The following AGBL1 variants were observed in gnomAD, a reference collection of about 807,000 sequenced individuals.
The protein encoded by AGBL1 is cytosolic carboxypeptidase 4.
AGBL1 carries 130 observed loss-of-function variants against 118.9 expected under a neutral mutation model. The ratio of observed to expected loss-of-function variants is 1.09; its 90% CI spans 0.95 to 1.26. The LOEUF is 1.26. Ranked by LOEUF, AGBL1 falls within the 50% of genes most tolerant of loss-of-function variation. The pLI is 0.00. For missense variants in AGBL1, 1,584 were observed against 1,298.1 expected (o/e 1.22, Z -3.38); for synonymous variants, 555 against 478.9 (o/e 1.16, Z -2.08).
chr15:86,397,256 T>C, intron 17 of AGBL1, 110 bp from the exon 18 acceptor site: 1 of 775,288 alleles, frequency 1.3e-6, no homozygotes. Flanking sequence ...ATGGAAAATG[T>C]ATTTTTAATA....
chr15:86,737,994 C>T (rs762423451), intron 22 of AGBL1, among the ~76,000 whole-genome samples: 72 of 151,892 alleles, frequency 4.7e-4, no homozygotes, highest in East Asian at 1.2e-3. Flanking sequence ...TCAACATACA[C>T]AGATAAATAA....
chr15:86,990,650 C>T (rs1178436529), intron 24 of AGBL1, among the ~76,000 whole-genome samples: 3 of 152,220 alleles, frequency 2.0e-5, no homozygotes, highest in African/African-American at 4.8e-5. Context: ...TTCACAGCTT[C>T]AACAGGTAGA....
At chr15:86,960,597 C>G (rs2141684864) in intron 23 of AGBL1, among the ~76,000 whole-genome samples, 1 of 151,910 alleles carries the variant, frequency 6.6e-6, no homozygotes. Context: ...CAAAATCATC[C>G]AGAAATCCTA....
chr15:86,831,079 C>G (rs1292401345), intron 22 of AGBL1, among the ~76,000 whole-genome samples: 2 of 152,122 alleles, frequency 1.3e-5, no homozygotes, highest in Non-Finnish European at 2.9e-5. Flanking sequence ...GAGACCTCTT[C>G]TATGTAACAC....
At chr15:86,259,556 G>A (rs1358119714) in intron 9 of AGBL1, among the ~76,000 whole-genome samples, 1 of 152,112 alleles carries the variant, frequency 6.6e-6, no homozygotes, top group Non-Finnish European at 1.5e-5. Flanking sequence ...CACTCACCCT[G>A]CTGATGGTAG....
chr15:86,487,644 T>G (rs181380117), intron 18 of AGBL1, among the ~76,000 whole-genome samples: 2 of 152,038 alleles, frequency 1.3e-5, no homozygotes, highest in South Asian at 2.1e-4. Flanking sequence ...CCGAGACCAG[T>G]GCCAGACAGC....
chr15:86,522,233 T>G (rs1213276948), intron 18 of AGBL1, among the ~76,000 whole-genome samples: 1 of 152,180 alleles, frequency 6.6e-6, no homozygotes, highest in Non-Finnish European at 1.5e-5. Context: ...CTGATTCTCT[T>G]GGTAAATGTC....
chr15:86,762,992 T>C (rs1031082345), intron 22 of AGBL1, among the ~76,000 whole-genome samples: 1 of 152,008 alleles, frequency 6.6e-6, no homozygotes, highest in Non-Finnish European at 1.5e-5. Flanking sequence ...GTCCAATGTC[T>C]ATCACACACA....
chr15:86,609,887 C>G (rs2084633719), intron 21 of AGBL1, among the ~76,000 whole-genome samples: 1 of 152,150 alleles, frequency 6.6e-6, no homozygotes, highest in Admixed American at 6.5e-5. Flanking sequence ...GTTTTGTGTT[C>G]TGTTTAACAG....
intron 9 of AGBL1, among the ~76,000 whole-genome samples, chr15:86,259,458 A>T (rs1394019666): frequency 3.3e-5 from 5 of 152,210 alleles, no homozygotes; most frequent in African/African-American, 9.6e-5. Flanking sequence ...AATTAAAAAA[A>T]ATCAAAAATC....
intron 16 of AGBL1, among the ~76,000 whole-genome samples, chr15:86,283,998 C>G (rs943641533): frequency 2.6e-5 from 4 of 151,916 alleles, no homozygotes; most frequent in Non-Finnish European, 4.4e-5. Flanking sequence ...AACAAAAAAG[C>G]AGTGACTACA....
intron 22 of AGBL1, among the ~76,000 whole-genome samples, chr15:86,821,411 A>G (rs762562581): frequency 1.3e-5 from 2 of 152,230 alleles, no homozygotes; most frequent in African/African-American, 2.4e-5. Context: ...AAGGCTAAGA[A>G]TACATTTATT....
intron 22 of AGBL1, among the ~76,000 whole-genome samples, chr15:86,779,943 C>T (rs369610209): frequency 7.1e-6 from 1 of 140,350 alleles, no homozygotes. Context: ...ACACACACAC[C>T]CCTACACTTT....
chr15:86,669,604 T>C (rs4536434), intron 21 of AGBL1, among the ~76,000 whole-genome samples: 41,475 of 152,124 alleles, frequency 0.27, 6,579 homozygotes, highest in East Asian at 0.62. Flanking sequence ...TTAAATCTAC[T>C]TCAGAAAATC....
chr15:86,944,319 CG>C (rs1428300642), intron 23 of AGBL1, among the ~76,000 whole-genome samples: 18 of 151,914 alleles, frequency 1.2e-4, no homozygotes, highest in Non-Finnish European at 2.2e-4. Flanking sequence ...GCAGAGGTTA[CG>C]GGGAGCTGAG....
intron 23 of AGBL1, among the ~76,000 whole-genome samples, chr15:86,976,506 G>A (rs1269178780): frequency 1.3e-5 from 2 of 151,918 alleles, no homozygotes; most frequent in African/African-American, 4.8e-5. Context: ...AAACACGCTA[G>A]AATAAACAAC....
intron 22 of AGBL1, among the ~76,000 whole-genome samples, chr15:86,834,393 C>T (rs2079145270): frequency 1.3e-5 from 2 of 152,078 alleles, no homozygotes; most frequent in African/African-American, 4.8e-5. Flanking sequence ...TCTATGGCAC[C>T]AGGGAATTTA....
intron 21 of AGBL1, among the ~76,000 whole-genome samples, chr15:86,638,962 C>T (rs577920800): frequency 2.1e-4 from 32 of 152,160 alleles, no homozygotes; most frequent in Admixed American, 1.6e-3. Context: ...TGCTGGTAGA[C>T]GGGATTCAGT....
At chr15:86,903,346 A>G (rs2080237992) in intron 22 of AGBL1, among the ~76,000 whole-genome samples, 1 of 151,118 alleles carries the variant, frequency 6.6e-6, no homozygotes, top group Admixed American at 6.6e-5. Context: ...TCCAGTTTCC[A>G]TTTATTCTTC....
Sources: allele counts gnomAD v4.1 joint callset (sites outside exome capture counted in the v4.1 genomes callset), GRCh38; gene constraint gnomAD v4.1.1; transcripts MANE v1.5; gene names NCBI Gene and HGNC (gene_info 2026-07-23, HGNC 2026-07-21).